The following TUBA8 variants were observed in gnomAD, a reference collection of about 807,000 sequenced individuals.
TUBA8 encodes tubulin alpha-8 chain.
A neutral mutation model predicts 34.7 loss-of-function variants in TUBA8; 29 were observed. That is an observed-to-expected ratio of 0.84 (90% CI 0.62 to 1.14). The LOEUF is 1.14. TUBA8 is among the 50% of genes most tolerant of loss of function. The probability of loss-of-function intolerance (pLI) is 0.00; values close to 1 mark genes in which losing one functional copy is unlikely to be tolerated. For missense variants in TUBA8, 541 were observed against 599.2 expected (o/e 0.90, Z 1.01); for synonymous variants, 226 against 231.2 (o/e 0.98, Z 0.21).
At chr22:18,116,555 A>G (rs1927981256) in intron 1 of TUBA8, 1 of 152,214 alleles carries the variant, frequency 6.6e-6, no homozygotes, top group South Asian at 2.1e-4. Flanking sequence ...CAGCTCTGGT[A>G]TCGTAAATGT....
Position 18,126,233 on chromosome 22 carries a change from T to A in TUBA8, c.376-121T>A, listed in dbSNP as rs1165205281. On this transcript the variant is annotated intron_variant, in intron 3 of 4. Coordinates refer to ENST00000330423, the MANE Select transcript of TUBA8 (RefSeq NM_018943.3). The surrounding 1 kb of genome is among the most constrained non-coding windows in gnomAD (Gnocchi z 4.0). The stretch of plus-strand genomic sequence containing the variant: ...TTTTGTTTCCTTACTTCTTCAAAGC[T>A]GTTTTGATTTCATCCACAAAAAAAT... 7.5e-6 allele frequency: 7 copies of A among 937,510 alleles called. No homozygotes were observed. Among genetic ancestry groups the A allele is most frequent in the Non-Finnish European group, 1.2e-5 (7 of 585,978 alleles). 58.1% of individuals were successfully genotyped at this position (937,510 alleles called of 1,614,324 possible).
At chr22:18,120,115 C>G (rs75203477) in intron 1 of TUBA8, 1 of 152,318 alleles carries the variant, frequency 6.6e-6, no homozygotes, top group Non-Finnish European at 1.5e-5. Context: ...TCTCTCCCCA[C>G]CCCCCTTTTT....
rs755089590 is a variant in TUBA8 at position 18,121,357 on chromosome 22, C to A, written c.4-122C>A. 2 of 839,496 alleles carry A rather than the reference C, an allele frequency of 2.4e-6. No homozygotes were observed. The highest frequency in any genetic ancestry group is 4.0e-6 in the Non-Finnish European group (2 of 494,058). 52.0% of individuals were successfully genotyped at this position (839,496 alleles called of 1,614,324 possible). A position where few individuals can be genotyped will look rare whatever the true frequency, so the allele number is the denominator to read the frequency against. On this transcript the variant is annotated intron_variant, in intron 1 of 4. Transcript: ENST00000330423. This position sits in a 1 kb window ranked among gnomAD's most constrained non-coding sequence, Gnocchi z 4.8. The stretch of plus-strand genomic sequence containing the variant: ...AGAGCTGGGGCACCTGCAGCCTCAA[C>A]GCCAACTGGCAATGGGGGGCTGGGG...
Position 18,126,063 on chromosome 22 carries a change from A to G in TUBA8, c.376-291A>G. The G allele has an allele frequency of 2.2e-6, 1 of 450,424 alleles. No homozygotes were observed. Among genetic ancestry groups the G allele is most frequent in the Non-Finnish European group, 4.1e-6 (1 of 246,554 alleles). The allele number at this position is 450,424 out of a possible 1,614,324, so 27.9% of individuals were successfully genotyped here. A position where few individuals can be genotyped will look rare whatever the true frequency, so the allele number is the denominator to read the frequency against. ...TTTTTTGTAGATGCGAGGTCTCACT[A>G]TGTTGCCCATGCTGGTTGTGAACTC... On this transcript the variant is annotated intron_variant, in intron 3 of 4. Transcript: ENST00000330423. The surrounding 1 kb of genome is among the most constrained non-coding windows in gnomAD (Gnocchi z 4.0).
At position 18,131,052 on chromosome 22, in the gene TUBA8, G is replaced by A. The variant is rs1928494213; in HGVS notation, c.1266G>A (p.Arg422=). The change falls in exon 5 of 5, where the codon AGG becomes AGA. Residue 422 remains arginine (R), a synonymous_variant. Transcript: ENST00000330423. The surrounding 1 kb of genome is among the most constrained non-coding windows in gnomAD (Gnocchi z 5.3). ...AAGAAGGAGAATTTTCTGAGGCCAG[G>A]GAAGACTTAGCTGCCCTGGAGAAGG... ...GMEEGEFSEA[R]EDLAALEKDY... is the part of the protein sequence containing the mutation. The A allele has an allele frequency of 3.1e-6, 5 of 1,614,114 alleles. No homozygotes were observed. The highest frequency in any genetic ancestry group is 1.1e-5 in the South Asian group (1 of 91,092).
chr22:18,116,713 C>T (rs886373071), intron 1 of TUBA8: 1 of 152,270 alleles, frequency 6.6e-6, no homozygotes, highest in Non-Finnish European at 1.5e-5. Flanking sequence ...GTCCCACGGG[C>T]TTCAGCACTG....
chr22:18,130,057 C>T (rs1242412138), intron 4 of TUBA8: 4 of 152,166 alleles, frequency 2.6e-5, no homozygotes, highest in Non-Finnish European at 4.4e-5. Flanking sequence ...AGCCCCAATT[C>T]CCAAAAACCT....
At chr22:18,130,731 C>A (rs1445977686) in intron 4 of TUBA8, 112 bp from the exon 5 acceptor site, 8 of 1,442,386 alleles carry the variant, frequency 5.5e-6, no homozygotes, top group Non-Finnish European at 7.7e-6. Flanking sequence ...CACTCCCACG[C>A]CCCTGACCAT....
At chr22:18,122,609 C>T (rs1928179950) in intron 2 of TUBA8, 1 of 152,126 alleles carries the variant, frequency 6.6e-6, no homozygotes, top group African/African-American at 2.4e-5. Context: ...AAAGGCCTCT[C>T]TAGGGCTCTT....
chr22:18,121,556 A>C lies in TUBA8; in HGVS notation c.81A>C (p.Glu27Asp). 2 of 1,614,182 alleles carry C rather than the reference A, an allele frequency of 1.2e-6. No homozygotes were observed. The highest frequency in any genetic ancestry group is 1.7e-6 in the Non-Finnish European group (2 of 1,180,030). The change falls in exon 2 of 5, where the codon GAA (glutamate) becomes GAC (aspartate). Residue 27 changes from glutamate (E) to aspartate (D), a missense_variant. Coordinates refer to ENST00000330423, the MANE Select transcript of TUBA8 (RefSeq NM_018943.3). The surrounding 1 kb of genome is among the most constrained non-coding windows in gnomAD (Gnocchi z 4.8). ...GNACWELFCL[E>D]HGIQADGTFD... is the part of the protein sequence containing the mutation. ...CCTGCTGGGAGCTCTTCTGCCTGGAACACGGCATCCAGGCAGACGGCACTT... is the reference window on the plus strand; with the variant it reads ...CCTGCTGGGAGCTCTTCTGCCTGGACCACGGCATCCAGGCAGACGGCACTT...
rs188578489 is a variant in TUBA8, at chr22:18,123,551, G to A, written c.227-605G>A. ...ATTACAGGCGTGAGTCACTGCACCC[G>A]GCCGGCCCAAGTTTTGTTGCTGTTG... is the stretch of plus-strand genomic sequence containing the variant. On this transcript the variant is annotated intron_variant, in intron 2 of 4. Coordinates refer to ENST00000330423, the MANE Select transcript of TUBA8 (RefSeq NM_018943.3). The A allele has an allele frequency of 4.4e-3, 688 of 156,288 alleles. 11 individuals are homozygous for A. The highest frequency in any genetic ancestry group is 0.016 in the African/African-American group (663 of 41,320). 9.7% of individuals were successfully genotyped at this position (156,288 alleles called of 1,614,324 possible). A position where few individuals can be genotyped will look rare whatever the true frequency, so the allele number is the denominator to read the frequency against.
rs773653519 is a variant in TUBA8 at position 18,121,479 on chromosome 22, C to T, written c.4C>T (p.Arg2Trp). 8.1e-6 allele frequency: 13 copies of T among 1,613,154 alleles called. No homozygotes were observed. Among genetic ancestry groups the T allele is most frequent in the South Asian group, 1.1e-5 (1 of 91,062 alleles). MRECISVHVGQA... is the reference protein window; with the variant it reads MWECISVHVGQA... ...CCTCGTTGCTTCCCTCTCCCCACAG[C>T]GGGAATGCATATCAGTCCACGTGGG... Residue 2 changes from arginine (R) to tryptophan (W), a missense_variant and splice_region_variant, in exon 2 of 5, where the codon CGG becomes TGG. Arg to Trp is a moderately radical substitution (Grantham distance 101). Transcript: ENST00000330423. The surrounding 1 kb of genome is among the most constrained non-coding windows in gnomAD (Gnocchi z 4.8).
Position 18,111,158 on chromosome 22 carries a change from G to A in TUBA8, c.3+290G>A, listed in dbSNP as rs1368737294. The A allele has an allele frequency of 5.3e-6, 3 of 562,712 alleles. No individual in the cohort carries two copies. The highest frequency in any genetic ancestry group is 5.9e-5 in the East Asian group (2 of 33,638). 34.9% of individuals were successfully genotyped at this position (562,712 alleles called of 1,614,324 possible). On this transcript the variant is annotated intron_variant, in intron 1 of 4. Transcript: ENST00000330423. This position sits in a 1 kb window ranked among gnomAD's most constrained non-coding sequence, Gnocchi z 5.1. Reference sequence around the variant, plus strand: ...GCCCTGGGGAGCCCGACGGAGAAGGGGGCGAGATTCTGGGGTCCCCAGATG... The same window carrying A: ...GCCCTGGGGAGCCCGACGGAGAAGGAGGCGAGATTCTGGGGTCCCCAGATG...
rs362251 is a variant in TUBA8, at chr22:18,130,590, AT to A, written c.1057-237del. On this transcript the variant is annotated intron_variant, in intron 4 of 4. Coordinates refer to ENST00000330423, the MANE Select transcript of TUBA8 (RefSeq NM_018943.3). ...TAGGCATAGCCACCGGGCCTGGCTA[AT>A]TTTTTTTTTTTTTTTGGTAGAGATG... The A allele has an allele frequency of 0.33, 155,521 of 467,858 alleles. 9,730 individuals are homozygous for A. The highest frequency in any genetic ancestry group is 0.57 in the African/African-American group (27,662 of 48,264). 29.0% of individuals were successfully genotyped at this position (467,858 alleles called of 1,614,324 possible).
chr22:18,123,874 G>A (rs1384102278), intron 2 of TUBA8: 4 of 431,898 alleles, frequency 9.3e-6, no homozygotes, highest in Middle Eastern at 1.4e-3. Flanking sequence ...TGGGCCCGGC[G>A]ATGTTCGATG....
Position 18,121,525 on chromosome 22 carries a change from G to A in TUBA8, c.50G>A (p.Gly17Asp). Residue 17 changes from glycine (G) to aspartate (D), a missense_variant, in exon 2 of 5, where the codon GGC becomes GAC. Gly to Asp is a moderately conservative substitution (Grantham distance 94). Transcript: ENST00000330423. The surrounding 1 kb of genome is among the most constrained non-coding windows in gnomAD (Gnocchi z 4.8). ...VHVGQAGVQI[G>D]NACWELFCLE... is the part of the protein sequence containing the mutation. ...GTGGGCCAAGCGGGAGTTCAGATTG[G>A]CAATGCCTGCTGGGAGCTCTTCTGC... The A allele has an allele frequency of 1.2e-6, 2 of 1,614,250 alleles. No homozygotes were observed. The highest frequency in any genetic ancestry group is 1.7e-6 in the Non-Finnish European group (2 of 1,180,048).
chr22:18,128,197 T>C (rs982045146), intron 4 of TUBA8: 12 of 152,234 alleles, frequency 7.9e-5, no homozygotes, highest in African/African-American at 2.4e-4. Flanking sequence ...TAAGATACTT[T>C]TATAGTTGTT....
chr22:18,127,861 C>A (rs1370832453), intron 4 of TUBA8: 1 of 151,692 alleles, frequency 6.6e-6, no homozygotes, highest in Non-Finnish European at 1.5e-5. Context: ...CCACACCCGG[C>A]TAATTTTTTG....
intron 2 of TUBA8, chr22:18,123,628 G>A (rs1928225550): frequency 5.9e-6 from 1 of 169,986 alleles, no homozygotes; most frequent in Non-Finnish European, 1.3e-5. Context: ...AGGCTGGAGT[G>A]CAGTGGCAAG....
Sources: gnomAD v4.1 joint callset for allele counts on GRCh38, gnomAD v4.1.1 for gene constraint, Gnocchi (gnomAD v3.1) non-coding constraint, MANE v1.5 for transcripts, NCBI Gene and HGNC (gene_info 2026-07-23, HGNC 2026-07-21) for gene names.